Variants in ARK2C observed in about 807,000 individuals in gnomAD.
ARK2C encodes arkadia (RNF111) C-terminal like ring finger ubiquitin ligase 2C, also known as E3 ubiquitin-protein ligase ARK2C.
the ARK2C span, among the ~76,000 whole-genome samples, chr18:46,363,422 G>A: frequency 2.0e-5 from 3 of 152,180 alleles, no homozygotes; most frequent in Admixed American, 6.5e-5. Flanking sequence ...GCAGTTCTCC[G>A]GCCATCAGGG....
chr18:46,433,467 C>T, the ARK2C span: 5 of 1,612,468 alleles, frequency 3.1e-6, no homozygotes, highest in Admixed American at 3.3e-5. Context: ...AGCAGCAGCT[C>T]CTGGAAGCCC....
At chr18:46,437,533 T>TGCAA in the ARK2C span, among the ~76,000 whole-genome samples, 1 of 151,670 alleles carries the variant, frequency 6.6e-6, no homozygotes, top group Non-Finnish European at 1.5e-5. Flanking sequence ...GAAACTGGGC[T>TGCAA]GCAAGCCCAT....
chr18:46,430,274 AG>A, the ARK2C span, among the ~76,000 whole-genome samples: 1 of 152,206 alleles, frequency 6.6e-6, no homozygotes, highest in Admixed American at 6.5e-5. Context: ...AATACCTTGA[AG>A]GTAGCTGCTC....
chr18:46,382,047 A>G, the ARK2C span, among the ~76,000 whole-genome samples: 1 of 152,160 alleles, frequency 6.6e-6, no homozygotes, highest in East Asian at 1.9e-4. Flanking sequence ...CAGCTGGAGC[A>G]GGCTCTCTTC....
chr18:46,399,780 A>G, the ARK2C span, among the ~76,000 whole-genome samples: 2 of 152,290 alleles, frequency 1.3e-5, no homozygotes, highest in Admixed American at 1.3e-4. Context: ...GCAGACTCAG[A>G]GTCTGTGCCA....
chr18:46,348,877 C>T, the ARK2C span, among the ~76,000 whole-genome samples: 1 of 150,492 alleles, frequency 6.6e-6, no homozygotes, highest in East Asian at 2.0e-4. Context: ...ACTATCTGAC[C>T]ACAGAACTCT....
chr18:46,398,477 A>G, the ARK2C span, among the ~76,000 whole-genome samples: 2 of 152,040 alleles, frequency 1.3e-5, no homozygotes, highest in African/African-American at 4.8e-5. Context: ...TGGTGGGCAC[A>G]GGAAGCTGAC....
At chr18:46,389,818 G>A in the ARK2C span, among the ~76,000 whole-genome samples, 1 of 151,896 alleles carries the variant, frequency 6.6e-6, no homozygotes, top group South Asian at 2.1e-4. Context: ...AGCCTCGACT[G>A]CCCAGTCTCA....
At chr18:46,374,638 A>G in the ARK2C span, among the ~76,000 whole-genome samples, 1 of 151,782 alleles carries the variant, frequency 6.6e-6, no homozygotes, top group African/African-American at 2.4e-5. Context: ...TTGTGCTCTA[A>G]TTCTTTGGTT....
chr18:46,411,799 G>C, the ARK2C span, among the ~76,000 whole-genome samples: 17 of 152,238 alleles, frequency 1.1e-4, no homozygotes, highest in Admixed American at 7.2e-4. Flanking sequence ...ATTCAGTCAA[G>C]TAGCTGGACA....
chr18:46,340,926 G>A, the ARK2C span, among the ~76,000 whole-genome samples: 1 of 152,204 alleles, frequency 6.6e-6, no homozygotes, highest in African/African-American at 2.4e-5. Flanking sequence ...GGAGGAGGAA[G>A]AGGAGAGAGC....
chr18:46,345,013 G>A, the ARK2C span, among the ~76,000 whole-genome samples: 7 of 152,096 alleles, frequency 4.6e-5, no homozygotes, highest in Non-Finnish European at 7.3e-5. Flanking sequence ...GCTGGGTCAG[G>A]AGGGAAGCTG....
the ARK2C span, among the ~76,000 whole-genome samples, chr18:46,398,662 C>A: frequency 6.6e-6 from 1 of 151,844 alleles, no homozygotes; most frequent in African/African-American, 2.4e-5. Flanking sequence ...CAGGGGTCCA[C>A]GCTGCTGAAC....
chr18:46,338,855 C>G, the ARK2C span, among the ~76,000 whole-genome samples: 3 of 152,184 alleles, frequency 2.0e-5, no homozygotes, highest in Non-Finnish European at 4.4e-5. Flanking sequence ...TGTCCTTGCT[C>G]CCCTGGGCTG....
chr18:46,438,050 A>G, the ARK2C span, among the ~76,000 whole-genome samples: 2 of 152,222 alleles, frequency 1.3e-5, no homozygotes, highest in Non-Finnish European at 2.9e-5. Context: ...CTGTACAGCA[A>G]CCAGACCACA....
chr18:46,361,530 G>A, the ARK2C span, among the ~76,000 whole-genome samples: 1 of 152,152 alleles, frequency 6.6e-6, no homozygotes, highest in South Asian at 2.1e-4. Context: ...CCGGCCACAC[G>A]GTTCCCCTCC....
At chr18:46,457,278 A>T in the ARK2C span, 1 of 152,542 alleles carries the variant, frequency 6.6e-6, no homozygotes. Context: ...TTACGGTGAA[A>T]AAGGATTTTG....
the ARK2C span, among the ~76,000 whole-genome samples, chr18:46,340,993 G>T: frequency 6.6e-6 from 1 of 152,204 alleles, no homozygotes; most frequent in Non-Finnish European, 1.5e-5. Context: ...TGCTGATTTG[G>T]CAAGAACAGA....
At chr18:46,456,184 C>T in the ARK2C span, 2 of 749,006 alleles carry the variant, frequency 2.7e-6, no homozygotes, top group Middle Eastern at 2.4e-4. Context: ...TGCTTGTGCA[C>T]GTATGTGCCA....
Sources: allele counts gnomAD v4.1 joint callset (sites outside exome capture counted in the v4.1 genomes callset), GRCh38; gene constraint gnomAD v4.1.1; transcripts MANE v1.5; gene names NCBI Gene and HGNC (gene_info 2026-07-23, HGNC 2026-07-21).